Variants in TEAD2 observed in about 807,000 individuals in gnomAD.
The protein encoded by TEAD2 is transcriptional enhancer factor TEF-4.
A neutral mutation model predicts 61.4 loss-of-function variants in TEAD2; 51 were observed. That is an observed-to-expected ratio of 0.83 (90% CI 0.66 to 1.05). The LOEUF is 1.05. TEAD2 is among the 50% of genes least tolerant of loss of function. The probability of loss-of-function intolerance (pLI) is 0.00; values close to 1 mark genes in which losing one functional copy is unlikely to be tolerated. For synonymous variants in TEAD2, 244 were observed against 243.2 expected (o/e 1.00, Z -0.03); for missense variants, 509 against 600.0 (o/e 0.85, Z 1.58).
chr19:49,356,957 CCT>C (rs1229992649), intron 4 of TEAD2, among the ~76,000 whole-genome samples: 1 of 151,562 alleles, frequency 6.6e-6, no homozygotes, highest in African/African-American at 2.4e-5. Context: ...TCTCTGTCTC[CCT>C]CTGTCTCTGG....
At chr19:49,358,742 C>T (rs887155439) in intron 3 of TEAD2, among the ~76,000 whole-genome samples, 81 of 150,716 alleles carry the variant, frequency 5.4e-4, no homozygotes, top group Non-Finnish European at 1.6e-4. Flanking sequence ...AAGCGATTTT[C>T]GTGCCTCAGC....
chr19:49,348,222 A>C (rs1425657913), intron 9 of TEAD2, among the ~76,000 whole-genome samples: 1 of 152,220 alleles, frequency 6.6e-6, no homozygotes, highest in Admixed American at 6.5e-5. Flanking sequence ...CATGCAACTT[A>C]TCTGGCATTC....
At chr19:49,353,384 C>A (rs1381921194) in intron 7 of TEAD2, among the ~76,000 whole-genome samples, 3 of 151,856 alleles carry the variant, frequency 2.0e-5, no homozygotes, top group East Asian at 3.9e-4. Flanking sequence ...CAGATGCGGG[C>A]CACCATGCCG....
At position 49,341,183 on chromosome 19, in the gene TEAD2, G is replaced by A; in HGVS notation, c.*141C>T. On this transcript the variant is annotated 3_prime_UTR_variant, in exon 13 of 13. Transcript: ENST00000593945. This position sits in a 1 kb window ranked among gnomAD's most constrained non-coding sequence, Gnocchi z 4.2. ...TTTTGGGGGCCCCTCTAATGGGGGG[G>A]ATGGCCCCAGTTGCTTAGGCCTCTG... 2.8e-6 allele frequency: 2 copies of A among 705,838 alleles called. No individual in the cohort carries two copies. Among genetic ancestry groups the A allele is most frequent in the African/African-American group, 1.8e-5 (1 of 56,172 alleles). The allele number at this position is 705,838 out of a possible 1,614,324, so 43.7% of individuals were successfully genotyped here. A position where few individuals can be genotyped will look rare whatever the true frequency, so the allele number is the denominator to read the frequency against.
chr19:49,361,043 A>G, intron 1 of TEAD2, among the ~76,000 whole-genome samples: 1 of 67,086 alleles, frequency 1.5e-5, no homozygotes, highest in Admixed American at 1.4e-4. Flanking sequence ...GGGGGGACAG[A>G]GACCAGAGAG....
chr19:49,360,435 G>A (rs1037844599), intron 1 of TEAD2: 6 of 313,478 alleles, frequency 1.9e-5, no homozygotes, highest in African/African-American at 4.3e-5. Context: ...TGAGGGAGGA[G>A]AAGGAGCTGG....
In TEAD2 at chr19:49,347,394, G is replaced by A. The variant is rs144012648; in HGVS notation, c.748-31C>T. On this transcript the variant is annotated intron_variant, in intron 9 of 12. Coordinates refer to ENST00000593945, the MANE Select transcript of TEAD2 (RefSeq NM_001256660.2). ...GAGGGTTGGCCGTGGGTGAGAAGTC[G>A]GAGGTGAGCTGGATCTCCAGCCTGT... The A allele has an allele frequency of 1.8e-4, 290 of 1,595,640 alleles. 2 individuals are homozygous for A. The highest frequency in any genetic ancestry group is 1.2e-3 in the Middle Eastern group (7 of 5,994).
intron 7 of TEAD2, among the ~76,000 whole-genome samples, chr19:49,351,574 C>A (rs914393354): frequency 6.6e-6 from 1 of 152,130 alleles, no homozygotes; most frequent in Non-Finnish European, 1.5e-5. Context: ...AACTGACCTG[C>A]CCAAAGTCAC....
Position 49,359,950 on chromosome 19 carries a change from C to G in TEAD2, c.126G>C (p.Glu42Asp), listed in dbSNP as rs753205636. 1 of 1,611,806 alleles carries G rather than the reference C, an allele frequency of 6.2e-7. No homozygotes were observed. The highest frequency in any genetic ancestry group is 1.1e-5 in the South Asian group (1 of 91,088). ...GCTCAATGTCTGGGCTCCACACCCC[C>G]TCTGCATCCGGGCCCCCGTCACCCC... ...GAGGDGGPDA[E>D]GVWSPDIEQS... The change falls in exon 2 of 13, where the codon GAG becomes GAC. Residue 42 changes from glutamate (E) to aspartate (D), a missense_variant. By Grantham distance (45) the Glu-to-Asp change is conservative (BLOSUM62 2). Transcript: ENST00000593945. The surrounding 1 kb of genome is among the most constrained non-coding windows in gnomAD (Gnocchi z 4.1).
intron 9 of TEAD2, among the ~76,000 whole-genome samples, chr19:49,347,738 C>A (rs1971742532): frequency 6.6e-6 from 1 of 152,192 alleles, no homozygotes. Context: ...AGCTCCCCAG[C>A]AGCCCCAGGG....
chr19:49,354,536 C>A (rs1972249116), intron 7 of TEAD2, among the ~76,000 whole-genome samples: 1 of 151,506 alleles, frequency 6.6e-6, no homozygotes, highest in Non-Finnish European at 1.5e-5. Context: ...CACTTCCCAT[C>A]ATCTTCTGGG....
In TEAD2 at chr19:49,343,274, G is replaced by A. The variant is rs1351192394; in HGVS notation, c.1046C>T (p.Ser349Phe). 1.2e-6 allele frequency: 2 copies of A among 1,613,742 alleles called. No individual in the cohort carries two copies. Among genetic ancestry groups the A allele is most frequent in the Non-Finnish European group, 1.7e-6 (2 of 1,179,864 alleles). ...CTGCTTGCCAAAAGAGCAGACCTTG[G>A]AGGAACAGGTGAGGGTCATGTGTTC... is the stretch of plus-strand genomic sequence containing the variant. ...SLEHMTLTCS[S>F]KVCSFGKQVV... Residue 349 changes from serine to phenylalanine, a missense_variant, in exon 11 of 13, where the codon TCC (serine) becomes TTC (phenylalanine). Transcript: ENST00000593945.
intron 7 of TEAD2, among the ~76,000 whole-genome samples, chr19:49,351,639 A>G (rs1414744900): frequency 2.0e-5 from 3 of 152,142 alleles, no homozygotes; most frequent in African/African-American, 7.2e-5. Flanking sequence ...TCAGCCCGGT[A>G]TCTCAGGCTC....
chr19:49,342,656 G>C (rs1971377264), intron 11 of TEAD2, 66 bp from the exon 12 acceptor site: 5 of 1,580,228 alleles, frequency 3.2e-6, no homozygotes. Flanking sequence ...CCCAGGAATT[G>C]AGCTCCACCC....
intron 11 of TEAD2, 126 bp downstream of exon 11, chr19:49,343,105 T>C: frequency 8.6e-7 from 1 of 1,167,730 alleles, no homozygotes; most frequent in Admixed American, 2.9e-5. Flanking sequence ...AACGCATGCA[T>C]TAAACCCTCA....
intron 7 of TEAD2, among the ~76,000 whole-genome samples, chr19:49,352,961 A>C (rs1972118298): frequency 6.6e-6 from 1 of 152,158 alleles, no homozygotes; most frequent in Non-Finnish European, 1.5e-5. Flanking sequence ...CCCCAAACCA[A>C]GCACAGTATC....
Position 49,347,296 on chromosome 19 carries a change from C to T in TEAD2, c.815G>A (p.Ser272Asn). 1.2e-6 allele frequency: 2 copies of T among 1,613,908 alleles called. No homozygotes were observed. The highest frequency in any genetic ancestry group is 1.7e-6 in the Non-Finnish European group (2 of 1,180,028). Residue 272 changes from serine to asparagine, a missense_variant, in exon 10 of 13, where the codon AGT becomes AAT. Physicochemically the swap from Ser to Asn is conservative, Grantham distance 46. Transcript: ENST00000593945. The part of the protein sequence containing the change: ...CPSPGAPPLE[S>N]VDVRQIYDKF... Reference sequence around the variant, plus strand: ...GTCGTAGATCTGCCGGACGTCCACACTCTCGAGCGGCGGCGCTCCGGGGCT... The same window carrying T: ...GTCGTAGATCTGCCGGACGTCCACATTCTCGAGCGGCGGCGCTCCGGGGCT...
At chr19:49,351,942 C>T (rs542745146) in intron 7 of TEAD2, among the ~76,000 whole-genome samples, 8 of 151,534 alleles carry the variant, frequency 5.3e-5, no homozygotes, top group South Asian at 2.1e-4. Context: ...GCCGAGATTA[C>T]GCCATTATAC....
Position 49,348,814 on chromosome 19 carries a change from C to A in TEAD2, c.636G>T (p.Leu212=). 6.3e-7 allele frequency: 1 copy of A among 1,598,596 alleles called. No individual in the cohort carries two copies. The highest frequency in any genetic ancestry group is 1.8e-5 in the Admixed American group (1 of 56,496). ...GYEPPQALSP[L]PPPTPSPPAW... ...CTGGGGGCGATGGGGTAGGTGGGGG[C>A]AGGGGTGAGAGGGCTTGGGGGGGCT... Residue 212 remains leucine (L), a synonymous_variant, in exon 9 of 13, where the codon CTG becomes CTT. Coordinates refer to ENST00000593945, the MANE Select transcript of TEAD2 (RefSeq NM_001256660.2).
Sources: gnomAD v4.1 joint callset for allele counts (sites outside exome capture counted in the v4.1 genomes callset) on GRCh38, gnomAD v4.1.1 for gene constraint, Gnocchi (gnomAD v3.1) non-coding constraint, MANE v1.5 for transcripts, NCBI Gene and HGNC (gene_info 2026-07-23, HGNC 2026-07-21) for gene names.